PLCB1: variants seen among roughly 807,000 people sequenced by gnomAD.
PLCB1 encodes phospholipase C beta 1, also known as 1-phosphatidylinositol 4,5-bisphosphate phosphodiesterase beta-1.
A neutral mutation model predicts 161.8 loss-of-function variants in PLCB1; 46 were observed. That is an observed-to-expected ratio of 0.28 (90% CI 0.22 to 0.36). PLCB1 has a LOEUF of 0.36. PLCB1 is among the 10% of genes least tolerant of loss of function. PLCB1 has a pLI of 1.00. For missense variants in PLCB1, 1,016 were observed against 1,472.5 expected (o/e 0.69, Z 5.07); for synonymous variants, 517 against 503.7 (o/e 1.03, Z -0.35).
chr20:8,171,650 A>G (rs950327050), intron 2 of PLCB1, among the ~76,000 whole-genome samples: 5 of 152,148 alleles, frequency 3.3e-5, no homozygotes, highest in African/African-American at 7.2e-5. Flanking sequence ...GAATTAATAT[A>G]ATGTGTTTGG....
intron 3 of PLCB1, among the ~76,000 whole-genome samples, chr20:8,384,896 C>T (rs1320635846): frequency 6.6e-6 from 1 of 152,148 alleles, no homozygotes; most frequent in Non-Finnish European, 1.5e-5. Context: ...AAGATGGGTG[C>T]CTGCTCCTTC....
At chr20:8,564,584 C>A (rs144795998) in intron 3 of PLCB1, among the ~76,000 whole-genome samples, 1,667 of 152,130 alleles carry the variant, frequency 0.011, 25 homozygotes, top group African/African-American at 0.036. Context: ...GCAGTGTATC[C>A]ACCTGACAAA....
At chr20:8,317,496 G>C (rs972556858) in intron 2 of PLCB1, among the ~76,000 whole-genome samples, 2 of 152,014 alleles carry the variant, frequency 1.3e-5, no homozygotes, top group African/African-American at 4.8e-5. Context: ...AGCAAGATTT[G>C]TTGAGTGAGT....
rs765762032 is a variant in PLCB1 at position 8,497,010 on chromosome 20, T to A, written c.246+125560T>A. Among the ~76,000 whole-genome samples the A allele has an allele frequency of 2.6e-5, 4 of 152,340 alleles. No homozygotes were observed. In the East Asian group the frequency reaches 5.8e-4, roughly 22 times the overall value. On this transcript the variant is annotated intron_variant, in intron 3 of 31. Transcript: ENST00000338037. ...TCTAAATCCTGGGTCTGAACTACTT[T>A]AACGATATTAAAAGCTTGCTTGACA...
intron 31 of PLCB1, among the ~76,000 whole-genome samples, chr20:8,850,988 TCA>T (rs749032450): frequency 5.3e-5 from 8 of 152,228 alleles, no homozygotes; most frequent in Non-Finnish European, 7.3e-5. Flanking sequence ...TTTATTGTAC[TCA>T]CACATTGTTA....
chr20:8,792,733 A>C (rs115170326), intron 31 of PLCB1: 137 of 435,974 alleles, frequency 3.1e-4, no homozygotes, highest in African/African-American at 2.6e-3. Flanking sequence ...CATGGCTTAA[A>C]AACGTTGTGC....
intron 1 of PLCB1, among the ~76,000 whole-genome samples, chr20:8,144,738 G>A (rs1417890734): frequency 6.6e-6 from 1 of 152,170 alleles, no homozygotes; most frequent in African/African-American, 2.4e-5. Context: ...TTGCATAGCT[G>A]TTTTCCCCCC....
intron 26 of PLCB1, 66 bp downstream of exon 26, chr20:8,765,424 GT>G: frequency 8.3e-7 from 1 of 1,198,540 alleles, no homozygotes; most frequent in Non-Finnish European, 1.2e-6. Flanking sequence ...GATTTTTAAT[GT>G]TTTATATCAT....
At chr20:8,455,693 C>T (rs755666928) in intron 3 of PLCB1, among the ~76,000 whole-genome samples, 2 of 152,012 alleles carry the variant, frequency 1.3e-5, no homozygotes, top group Non-Finnish European at 2.9e-5. Flanking sequence ...TCTTAGTAGA[C>T]TTTGGTTGGG....
At chr20:8,657,126 G>A in intron 7 of PLCB1, 58 bp from the exon 8 acceptor site, 1 of 912,472 alleles carries the variant, frequency 1.1e-6, no homozygotes. Context: ...AAAACAGGGA[G>A]GGAGGAAGCT....
intron 1 of PLCB1, among the ~76,000 whole-genome samples, chr20:8,141,350 G>A (rs540469620): frequency 2.6e-4 from 39 of 152,232 alleles, no homozygotes; most frequent in Non-Finnish European, 4.7e-4. Context: ...CAGGCCAGCC[G>A]CAGTGGCTCA....
At chr20:8,454,808 T>C (rs1013914761) in intron 3 of PLCB1, among the ~76,000 whole-genome samples, 1 of 152,218 alleles carries the variant, frequency 6.6e-6, no homozygotes, top group East Asian at 1.9e-4. Context: ...CTTTTCTCTA[T>C]AGTATTTATC....
At chr20:8,423,788 A>C (rs1175753122) in intron 3 of PLCB1, among the ~76,000 whole-genome samples, 1 of 152,192 alleles carries the variant, frequency 6.6e-6, no homozygotes, top group African/African-American at 2.4e-5. Context: ...AATTTGGCAG[A>C]TGCTCTATTT....
At chr20:8,621,043 C>A (rs1301665233) in intron 3 of PLCB1, among the ~76,000 whole-genome samples, 2 of 152,182 alleles carry the variant, frequency 1.3e-5, no homozygotes, top group African/African-American at 2.4e-5. Flanking sequence ...AAGAACTCAT[C>A]AACTAGGGAG....
At chr20:8,802,020 C>A in intron 31 of PLCB1, 1 of 1,215,056 alleles carries the variant, frequency 8.2e-7, no homozygotes, top group Non-Finnish European at 1.2e-6. Flanking sequence ...AATTTCATTG[C>A]CACAAAAATG....
intron 3 of PLCB1, among the ~76,000 whole-genome samples, chr20:8,513,361 A>C (rs1414757865): frequency 2.6e-5 from 4 of 152,258 alleles, no homozygotes; most frequent in African/African-American, 9.6e-5. Flanking sequence ...ACACACACTC[A>C]TTCATTCACA....
At chr20:8,864,947 A>T (rs896327655) in intron 31 of PLCB1, among the ~76,000 whole-genome samples, 14 of 152,198 alleles carry the variant, frequency 9.2e-5, no homozygotes, top group Non-Finnish European at 2.1e-4. Context: ...TGATGGGAAG[A>T]TGGAAGGAGA....
At chr20:8,547,910 T>C (rs117052801) in intron 3 of PLCB1, among the ~76,000 whole-genome samples, 1,710 of 152,276 alleles carry the variant, frequency 0.011, 30 homozygotes, top group Admixed American at 0.045. Context: ...AGTCTCCTCT[T>C]CTCTGGGAGG....
rs10604975 is a variant in PLCB1 at position 8,180,938 on chromosome 20, A to AGTGTGT, written c.177+30594_177+30599dup. Among the ~76,000 whole-genome samples the AGTGTGT allele has an allele frequency of 9.2e-4, 137 of 149,724 alleles. 2 individuals carry two copies. In the South Asian group the frequency reaches 0.017, roughly 19 times the overall value. On this transcript the variant is annotated intron_variant, in intron 2 of 31. Coordinates refer to ENST00000338037, the MANE Select transcript of PLCB1 (RefSeq NM_015192.4). ...TTTTTTCATACATTCATAATGTAAA[A>AGTGTGT]GTGTGTGTGTGTGTGTGTGTGTGTG...
Sources: allele counts gnomAD v4.1 joint callset (sites outside exome capture counted in the v4.1 genomes callset), GRCh38; gene constraint gnomAD v4.1.1; transcripts MANE v1.5; gene names NCBI Gene and HGNC (gene_info 2026-07-23, HGNC 2026-07-21).